The following COLEC12 variants were observed in gnomAD, a reference collection of about 807,000 sequenced individuals.
COLEC12 encodes collectin-12.
A neutral mutation model predicts 71.1 loss-of-function variants in COLEC12; 33 were observed. That is an observed-to-expected ratio of 0.46 (90% CI 0.35 to 0.62). The LOEUF (loss-of-function observed/expected upper bound fraction) is 0.62. Ranked by LOEUF, COLEC12 falls within the 20% of genes least tolerant of loss-of-function variation. The pLI, the probability that COLEC12 is intolerant of heterozygous loss-of-function variation, is 0.00. For missense variants in COLEC12, 765 were observed against 916.1 expected (o/e 0.84, Z 2.13); for synonymous variants, 350 against 353.0 (o/e 0.99, Z 0.10).
rs187821093 is a variant in COLEC12, at chr18:327,439, C to T, written c.2063+4229G>A. On this transcript the variant is annotated intron_variant, in intron 8 of 9. Transcript: ENST00000400256. This position sits in a 1 kb window ranked among gnomAD's most constrained non-coding sequence, Gnocchi z 4.0. ...GGCCATTGCAGGTGGCATCTCACGC[C>T]ACCCTTTCCCCTCAGCTGGTCCTGT... Among the ~76,000 whole-genome samples, 3 of 152,310 alleles carry T rather than the reference C, an allele frequency of 2.0e-5. No homozygotes were observed. In the East Asian group the frequency reaches 5.8e-4, roughly 29 times the overall value.
At chr18:493,848 G>A (rs1033978340) in intron 1 of COLEC12, among the ~76,000 whole-genome samples, 2 of 152,096 alleles carry the variant, frequency 1.3e-5, no homozygotes, top group Non-Finnish European at 2.9e-5. Context: ...ACATCTGTCC[G>A]AATACTTATT....
At chr18:347,899 A>C (rs1914421294) in intron 4 of COLEC12, among the ~76,000 whole-genome samples, 166 bp downstream of exon 4, 1 of 152,198 alleles carries the variant, frequency 6.6e-6, no homozygotes, top group South Asian at 2.1e-4. Context: ...CCTTAACTTT[A>C]AAATTTAAGC....
intron 2 of COLEC12, among the ~76,000 whole-genome samples, chr18:429,599 C>A (rs1157263919): frequency 1.3e-5 from 2 of 152,108 alleles, no homozygotes; most frequent in African/African-American, 4.8e-5. Flanking sequence ...CCAGGCTGGT[C>A]TCAAACTGCT....
Position 408,628 on chromosome 18 carries a change from G to A in COLEC12, c.59-51106C>T, listed in dbSNP as rs1915833844. 6.6e-6 allele frequency among the ~76,000 whole-genome samples: 1 copy of A among 151,550 alleles called. No individual in the cohort carries two copies. Among genetic ancestry groups the A allele is most frequent in the South Asian group, 2.1e-4 (1 of 4,824 alleles). ...AGAAAAAGGAAAAAAAAAAAAGACA[G>A]GAAAATAAAAGCATGGGAGGAAAAA... On this transcript the variant is annotated intron_variant, in intron 2 of 9. Transcript: ENST00000400256. This position sits in a 1 kb window ranked among gnomAD's most constrained non-coding sequence, Gnocchi z 4.3.
intron 2 of COLEC12, among the ~76,000 whole-genome samples, chr18:428,717 A>G (rs1916243969): frequency 6.6e-6 from 1 of 152,230 alleles, no homozygotes; most frequent in Non-Finnish European, 1.5e-5. Flanking sequence ...AAACTATAAT[A>G]TAACTTGGGA....
At chr18:466,090 C>T (rs1010867210) in intron 2 of COLEC12, among the ~76,000 whole-genome samples, 1 of 151,482 alleles carries the variant, frequency 6.6e-6, no homozygotes, top group African/African-American at 2.4e-5. Context: ...AAATAAAAAA[C>T]TTAGCTGGGC....
intron 3 of COLEC12, among the ~76,000 whole-genome samples, chr18:355,849 C>G (rs995776627): frequency 6.6e-6 from 1 of 152,200 alleles, no homozygotes; most frequent in Admixed American, 6.5e-5. Context: ...CACCCCACCT[C>G]TGCCCAGCGC....
intron 2 of COLEC12, among the ~76,000 whole-genome samples, chr18:468,268 A>AAG (rs1228913055): frequency 6.6e-6 from 1 of 151,866 alleles, no homozygotes; most frequent in Non-Finnish European, 1.5e-5. Context: ...TCTCAAAAAA[A>AAG]AAAAAAAAAA....
chr18:469,322 G>A (rs1182565532), intron 2 of COLEC12, among the ~76,000 whole-genome samples: 1 of 152,268 alleles, frequency 6.6e-6, no homozygotes, highest in African/African-American at 2.4e-5. Context: ...GCGGGTGAGA[G>A]AGGAGGCAGT....
At chr18:484,685 A>G (rs1917486698) in intron 1 of COLEC12, among the ~76,000 whole-genome samples, 1 of 152,200 alleles carries the variant, frequency 6.6e-6, no homozygotes, top group African/African-American at 2.4e-5. Context: ...TGAGATATGC[A>G]AAGAGAAGAA....
chr18:499,441 T>C (rs1917776464), intron 1 of COLEC12, among the ~76,000 whole-genome samples: 1 of 152,204 alleles, frequency 6.6e-6, no homozygotes, highest in African/African-American at 2.4e-5. Flanking sequence ...CAAAAGTTAC[T>C]TTCCAAGCGC....
intron 2 of COLEC12, among the ~76,000 whole-genome samples, chr18:463,524 G>A (rs936110466): frequency 4.6e-5 from 7 of 152,140 alleles, no homozygotes; most frequent in East Asian, 1.9e-4. Context: ...AGCATGTGTC[G>A]TAAACATGAG....
intron 1 of COLEC12, among the ~76,000 whole-genome samples, chr18:483,242 A>G (rs1370799992): frequency 6.6e-6 from 1 of 151,948 alleles, no homozygotes; most frequent in African/African-American, 2.4e-5. Flanking sequence ...TCTACTAAAA[A>G]TATAAAAATT....
At chr18:368,844 C>T (rs556864622) in intron 2 of COLEC12, among the ~76,000 whole-genome samples, 31 of 152,252 alleles carry the variant, frequency 2.0e-4, no homozygotes, top group South Asian at 1.7e-3. Context: ...CCAGCCTGGG[C>T]AACAGAGCGA....
intron 1 of COLEC12, among the ~76,000 whole-genome samples, chr18:497,797 T>C (rs1917741010): frequency 6.6e-6 from 1 of 152,248 alleles, no homozygotes; most frequent in South Asian, 2.1e-4. Flanking sequence ...AGTTAACAAC[T>C]ATTTGATGTA....
At chr18:484,376 C>T (rs1917480827) in intron 1 of COLEC12, among the ~76,000 whole-genome samples, 1 of 152,166 alleles carries the variant, frequency 6.6e-6, no homozygotes, top group Non-Finnish European at 1.5e-5. Context: ...GGGTGGGTTC[C>T]CTGCTTCTCA....
chr18:497,467 C>G (rs966193153), intron 1 of COLEC12, among the ~76,000 whole-genome samples: 1 of 151,890 alleles, frequency 6.6e-6, no homozygotes, highest in African/African-American at 2.4e-5. Flanking sequence ...TGCAGTGGCA[C>G]GATCTCGGCT....
intron 2 of COLEC12, among the ~76,000 whole-genome samples, chr18:391,771 AAT>A (rs1372707380): frequency 6.6e-6 from 1 of 152,198 alleles, no homozygotes; most frequent in Admixed American, 6.5e-5. Context: ...AGGAGGTGGC[AAT>A]AGTTATTTTT....
intron 2 of COLEC12, among the ~76,000 whole-genome samples, chr18:455,145 G>A (rs181969432): frequency 2.6e-5 from 4 of 152,254 alleles, no homozygotes; most frequent in Non-Finnish European, 4.4e-5. Context: ...ACTGCTTCCC[G>A]CTCCATGGCC....
Sources: gnomAD v4.1 joint callset for allele counts (sites outside exome capture counted in the v4.1 genomes callset) on GRCh38, gnomAD v4.1.1 for gene constraint, Gnocchi (gnomAD v3.1) non-coding constraint, MANE v1.5 for transcripts, NCBI Gene and HGNC (gene_info 2026-07-23, HGNC 2026-07-21) for gene names.